The following CADM1 variants were observed in gnomAD, a reference collection of about 807,000 sequenced individuals.
CADM1 encodes cell adhesion molecule 1.
A neutral mutation model predicts 53.1 loss-of-function variants in CADM1; 15 were observed. That is an observed-to-expected ratio of 0.28 (90% CI 0.19 to 0.44). The LOEUF (loss-of-function observed/expected upper bound fraction) is 0.44. Among genes scored for constraint, CADM1 ranks in the 20% least tolerant of loss-of-function variants. The pLI is 1.00. For missense variants in CADM1, 434 were observed against 611.3 expected, an observed-to-expected ratio of 0.71 and a Z score of 3.06; for synonymous variants, 281 against 243.0, an observed-to-expected ratio of 1.16 and a Z score of -1.45.
intron 1 of CADM1, among the ~76,000 whole-genome samples, chr11:115,426,852 A>G (rs1947906514): frequency 1.3e-5 from 2 of 152,120 alleles, no homozygotes; most frequent in South Asian, 4.2e-4. Context: ...AGGAAGAGGC[A>G]TGTGATGGGT....
At chr11:115,197,870 C>T (rs1337987977) in intron 9 of CADM1, among the ~76,000 whole-genome samples, 1 of 152,180 alleles carries the variant, frequency 6.6e-6, no homozygotes, top group Non-Finnish European at 1.5e-5. Flanking sequence ...TGATTAGCAA[C>T]ATAATTAAAG....
At chr11:115,446,509 G>A (rs1194321352) in intron 1 of CADM1, among the ~76,000 whole-genome samples, 1 of 152,184 alleles carries the variant, frequency 6.6e-6, no homozygotes, top group Non-Finnish European at 1.5e-5. Flanking sequence ...TTTTTAAGAT[G>A]AGAGGAGCTT....
intron 1 of CADM1, among the ~76,000 whole-genome samples, chr11:115,492,377 G>A (rs546735044): frequency 3.3e-5 from 5 of 152,282 alleles, no homozygotes; most frequent in Non-Finnish European, 5.9e-5. Flanking sequence ...AACGAAATGA[G>A]AATGGACAGT....
rs768667228 is a variant in CADM1, at chr11:115,214,741, C to T, written c.861G>A (p.Met287Ile). 1.8e-5 allele frequency: 29 copies of T among 1,613,956 alleles called. No individual in the cohort carries two copies. The highest frequency in any genetic ancestry group is 2.4e-5 in the Non-Finnish European group (28 of 1,179,918). The change falls in exon 7 of 12, where the codon ATG becomes ATA. Residue 287 changes from methionine (M) to isoleucine (I), a missense_variant. Physicochemically the swap from Met to Ile is conservative, Grantham distance 10. This residue lies in a region of CADM1 where 311 missense variants were observed against 435.1 expected (regional missense o/e 0.71). Transcript: ENST00000331581. Reference protein sequence around the residue: ...MVTWVRVDDEMPQHAVLSGPN... With the variant: ...MVTWVRVDDEIPQHAVLSGPN... ...GCCCAGACAGTACGGCGTGTTGAGG[C>T]ATTTCATCATCGACTCTCACCCAAG... is the stretch of plus-strand genomic sequence containing the variant.
intron 1 of CADM1, among the ~76,000 whole-genome samples, chr11:115,412,167 A>C (rs564337871): frequency 4.9e-4 from 75 of 152,274 alleles, no homozygotes; most frequent in East Asian, 1.9e-3. Context: ...CAGCTTTATG[A>C]AGCAAATTTA....
chr11:115,338,877 A>ATTTTTTTTTTTTTTACTTTTTTTTTTTT (rs56300408), intron 1 of CADM1, among the ~76,000 whole-genome samples: 1 of 127,744 alleles, frequency 7.8e-6, no homozygotes, highest in Non-Finnish European at 1.6e-5. Flanking sequence ...TATTTTTTTT[A>ATTTTTTTTTTTTTTACTTTTTTTTTTTT]TTTTTTTTTT....
At chr11:115,306,662 G>A (rs1220994871) in intron 1 of CADM1, among the ~76,000 whole-genome samples, 1 of 151,916 alleles carries the variant, frequency 6.6e-6, no homozygotes, top group Non-Finnish European at 1.5e-5. Flanking sequence ...GATTGTGTAG[G>A]ACTACTCTTA....
At chr11:115,212,474 G>A (rs2134748827) in intron 7 of CADM1, among the ~76,000 whole-genome samples, 1 of 152,260 alleles carries the variant, frequency 6.6e-6, no homozygotes, top group Admixed American at 6.5e-5. Flanking sequence ...TACAGATCTA[G>A]CAAATCCCTA....
chr11:115,290,400 AC>A (rs1943857008), intron 1 of CADM1, among the ~76,000 whole-genome samples: 1 of 152,082 alleles, frequency 6.6e-6, no homozygotes, highest in African/African-American at 2.4e-5. Flanking sequence ...CACTCAGCTC[AC>A]TCCTCTGCTT....
intron 3 of CADM1, among the ~76,000 whole-genome samples, chr11:115,233,680 T>G (rs565648260): frequency 3.3e-5 from 5 of 151,042 alleles, no homozygotes; most frequent in Admixed American, 3.3e-4. Flanking sequence ...GTAACAAATA[T>G]AGGAGTGTCT....
chr11:115,358,213 CTCAT>C (rs67243460), intron 1 of CADM1, among the ~76,000 whole-genome samples: 49,590 of 151,820 alleles, frequency 0.33, 9,016 homozygotes, highest in Non-Finnish European at 0.43. Context: ...CCTTCTCTCA[CTCAT>C]TGTCATTTAT....
At chr11:115,350,895 T>C (rs1184150917) in intron 1 of CADM1, among the ~76,000 whole-genome samples, 1 of 151,458 alleles carries the variant, frequency 6.6e-6, no homozygotes, top group Non-Finnish European at 1.5e-5. Context: ...AAGGCAATTA[T>C]TTCACTTGCC....
chr11:115,255,190 C>T (rs766446553), intron 1 of CADM1, among the ~76,000 whole-genome samples: 3 of 152,152 alleles, frequency 2.0e-5, no homozygotes, highest in African/African-American at 4.8e-5. Context: ...CCTCTATAAA[C>T]GTCAGTTAAG....
chr11:115,321,564 A>G (rs1187133482), intron 1 of CADM1, among the ~76,000 whole-genome samples: 1 of 152,226 alleles, frequency 6.6e-6, no homozygotes, highest in Non-Finnish European at 1.5e-5. Context: ...AAATCTTCAT[A>G]TACTTTATTT....
At chr11:115,254,297 T>C (rs1450684095) in intron 1 of CADM1, among the ~76,000 whole-genome samples, 1 of 152,168 alleles carries the variant, frequency 6.6e-6, no homozygotes, top group Non-Finnish European at 1.5e-5. Flanking sequence ...AAGTAACTGG[T>C]CCATATAACA....
At chr11:115,357,066 A>T (rs1265219787) in intron 1 of CADM1, among the ~76,000 whole-genome samples, 1 of 152,200 alleles carries the variant, frequency 6.6e-6, no homozygotes, top group African/African-American at 2.4e-5. Flanking sequence ...TACAACTGTG[A>T]AGAAAATTGA....
At chr11:115,372,588 A>G (rs998476129) in intron 1 of CADM1, among the ~76,000 whole-genome samples, 5 of 152,222 alleles carry the variant, frequency 3.3e-5, no homozygotes, top group Non-Finnish European at 7.3e-5. Flanking sequence ...CAAAGCTAAT[A>G]TTAAATGAAT....
chr11:115,498,367 G>A (rs1039522520), intron 1 of CADM1, among the ~76,000 whole-genome samples: 1 of 152,146 alleles, frequency 6.6e-6, no homozygotes, highest in African/African-American at 2.4e-5. Context: ...TACCATGGAG[G>A]CCTTTAAAGA....
At chr11:115,189,108 G>A (rs1262780342) in intron 10 of CADM1, among the ~76,000 whole-genome samples, 1 of 152,112 alleles carries the variant, frequency 6.6e-6, no homozygotes, top group East Asian at 1.9e-4. Context: ...ATATATGACT[G>A]CAGTGTTCCT....
Sources: gnomAD v4.1 joint callset for allele counts (sites outside exome capture counted in the v4.1 genomes callset) on GRCh38, gnomAD v4.1.1 for gene constraint, gnomAD v4.1.1 regional missense constraint, MANE v1.5 for transcripts, NCBI Gene and HGNC (gene_info 2026-07-23, HGNC 2026-07-21) for gene names.